Variants in SNTB2 observed in about 807,000 individuals in gnomAD.
SNTB2 encodes the protein syntrophin beta 2, also known as beta-2-syntrophin.
In SNTB2, 34 loss-of-function variants were observed where a neutral mutation model predicts 46.2. That is an observed-to-expected ratio of 0.74 (90% CI 0.56 to 0.98). SNTB2 has a LOEUF of 0.98. Ranked by LOEUF, SNTB2 falls within the 50% of genes least tolerant of loss-of-function variation. The probability of loss-of-function intolerance (pLI) is 0.00; values close to 1 mark genes in which losing one functional copy is unlikely to be tolerated. For missense variants in SNTB2, 603 were observed against 731.4 expected (o/e 0.82, Z 2.02); for synonymous variants, 290 against 312.6 (o/e 0.93, Z 0.76).
At chr16:69,244,516 G>A (rs565947916) in intron 1 of SNTB2, among the ~76,000 whole-genome samples, 1 of 152,278 alleles carries the variant, frequency 6.6e-6, no homozygotes, top group South Asian at 2.1e-4. Context: ...GTACCACTGT[G>A]CCCAGCCAGT....
intron 1 of SNTB2, chr16:69,230,301 A>C (rs1363209509): frequency 2.0e-5 from 3 of 152,188 alleles, no homozygotes; most frequent in South Asian, 4.1e-4. Context: ...TATAAAACTT[A>C]GAGCTTGCTT....
intron 3 of SNTB2, among the ~76,000 whole-genome samples, chr16:69,262,700 G>T (rs1964845965): frequency 2.0e-5 from 3 of 150,592 alleles, no homozygotes; most frequent in Admixed American, 2.0e-4. Context: ...TTTTTGAAAT[G>T]AGGTCTCACT....
At chr16:69,293,215 C>T (rs1965191409) in intron 5 of SNTB2, among the ~76,000 whole-genome samples, 1 of 152,106 alleles carries the variant, frequency 6.6e-6, no homozygotes, top group Non-Finnish European at 1.5e-5. Context: ...CAGTTTGGCT[C>T]ATATGTCCAG....
intron 3 of SNTB2, among the ~76,000 whole-genome samples, chr16:69,260,537 AGAGG>A (rs1964825043): frequency 6.6e-6 from 1 of 152,238 alleles, no homozygotes; most frequent in South Asian, 2.1e-4. Context: ...CCTTAATGAC[AGAGG>A]ATAATTTTCA....
At chr16:69,227,936 C>T (rs1003253357) in intron 1 of SNTB2, among the ~76,000 whole-genome samples, 2 of 149,916 alleles carry the variant, frequency 1.3e-5, no homozygotes, top group Non-Finnish European at 3.0e-5. Flanking sequence ...TAGCTCACTG[C>T]AGCCTCAAAT....
At chr16:69,215,473 ACTT>A (rs1227325593) in intron 1 of SNTB2, among the ~76,000 whole-genome samples, 1 of 152,146 alleles carries the variant, frequency 6.6e-6, no homozygotes, top group Non-Finnish European at 1.5e-5. Context: ...CATTCCAGGT[ACTT>A]CTTTGCATTG....
intron 1 of SNTB2, among the ~76,000 whole-genome samples, chr16:69,221,807 A>G (rs550918861): frequency 3.9e-5 from 6 of 152,108 alleles, no homozygotes; most frequent in Non-Finnish European, 7.4e-5. Flanking sequence ...TCAGTGTAGA[A>G]CAATTCTCTT....
intron 1 of SNTB2, among the ~76,000 whole-genome samples, chr16:69,243,349 T>C (rs1458303626): frequency 6.6e-6 from 1 of 152,234 alleles, no homozygotes; most frequent in African/African-American, 2.4e-5. Context: ...TCAGCCATTC[T>C]GGATGGCTAA....
intron 1 of SNTB2, among the ~76,000 whole-genome samples, chr16:69,199,529 A>G (rs1481046118): frequency 6.7e-6 from 1 of 148,474 alleles, no homozygotes; most frequent in Non-Finnish European, 1.5e-5. Context: ...TGGGAGGTGG[A>G]CGCTTTGGTG....
chr16:69,208,553 A>T (rs1409221560), intron 1 of SNTB2, among the ~76,000 whole-genome samples: 1 of 152,124 alleles, frequency 6.6e-6, no homozygotes, highest in East Asian at 1.9e-4. Context: ...CATATTTTGA[A>T]TTTTTCACAA....
intron 4 of SNTB2, among the ~76,000 whole-genome samples, chr16:69,272,115 T>C (rs1214470819): frequency 6.6e-6 from 1 of 152,144 alleles, no homozygotes; most frequent in Non-Finnish European, 1.5e-5. Flanking sequence ...AAAAAATAGA[T>C]AAATTGGACT....
intron 1 of SNTB2, among the ~76,000 whole-genome samples, chr16:69,198,120 G>C (rs1234949530): frequency 7.2e-6 from 1 of 138,842 alleles, no homozygotes; most frequent in Non-Finnish European, 1.6e-5. Flanking sequence ...TTTTTTTTTG[G>C]GGGGTAGGGG....
At chr16:69,267,775 T>G (rs1421206550) in intron 3 of SNTB2, among the ~76,000 whole-genome samples, 1 of 152,080 alleles carries the variant, frequency 6.6e-6, no homozygotes, top group Non-Finnish European at 1.5e-5. Context: ...CACATGCCAC[T>G]TTCAGATTAT....
rs765395995 is a variant in SNTB2, at chr16:69,270,092, A to G, written c.1006-51A>G. 3 of 1,610,472 alleles carry G rather than the reference A, an allele frequency of 1.9e-6. No individual in the cohort carries two copies. The East Asian group carries it at 6.7e-5, about 36-fold the overall frequency. ...AGGCCATCATTGAAGGAACTTTTAC[A>G]AAGACGTGATTATAGTTAGCCCTGA... On this transcript the variant is annotated intron_variant, in intron 3 of 6. Coordinates refer to ENST00000336278, the MANE Select transcript of SNTB2 (RefSeq NM_006750.4).
chr16:69,268,470 C>CAAT (rs1198802109), intron 3 of SNTB2, among the ~76,000 whole-genome samples: 1 of 150,918 alleles, frequency 6.6e-6, no homozygotes, highest in East Asian at 2.0e-4. Flanking sequence ...TCTAAAAACA[C>CAAT]AATAATAATA....
intron 5 of SNTB2, among the ~76,000 whole-genome samples, chr16:69,290,572 A>G (rs545764619): frequency 6.6e-6 from 1 of 150,880 alleles, no homozygotes; most frequent in East Asian, 1.9e-4. Context: ...CTTAGAAATT[A>G]TCTTGAGTCC....
chr16:69,191,499 C>T, intron 1 of SNTB2, among the ~76,000 whole-genome samples: 1 of 124,918 alleles, frequency 8.0e-6, no homozygotes, highest in South Asian at 2.9e-4. Context: ...GAGGTCGAGG[C>T]TACAGTGGTG....
chr16:69,263,225 G>T (rs911244546), intron 3 of SNTB2, among the ~76,000 whole-genome samples: 1 of 151,126 alleles, frequency 6.6e-6, no homozygotes, highest in African/African-American at 2.4e-5. Flanking sequence ...TCCCACTTCA[G>T]TATCCTGAGT....
At chr16:69,242,834 G>A (rs1047816903) in intron 1 of SNTB2, among the ~76,000 whole-genome samples, 5 of 151,946 alleles carry the variant, frequency 3.3e-5, no homozygotes, top group African/African-American at 7.2e-5. Context: ...ATCCTGGCTA[G>A]CACGGTGAAA....
Sources: allele counts gnomAD v4.1 joint callset (sites outside exome capture counted in the v4.1 genomes callset), GRCh38; gene constraint gnomAD v4.1.1; transcripts MANE v1.5; gene names NCBI Gene and HGNC (gene_info 2026-07-23, HGNC 2026-07-21).